Variants in STARD13 observed in about 807,000 individuals in gnomAD.
The protein encoded by STARD13 is StAR related lipid transfer domain containing 13.
STARD13 carries 62 observed loss-of-function variants against 106.4 expected under a neutral mutation model. That is an observed-to-expected ratio of 0.58 (90% CI 0.48 to 0.72). The LOEUF (loss-of-function observed/expected upper bound fraction) is 0.72, where lower values mean the gene tolerates loss of function less well. Ranked by LOEUF, STARD13 falls within the 30% of genes least tolerant of loss-of-function variation. The pLI is 0.00. For missense variants in STARD13, 1,387 were observed against 1,424.0 expected (o/e 0.97, Z 0.42); for synonymous variants, 565 against 553.0 (o/e 1.02, Z -0.31).
chr13:33,526,863 A>G, the STARD13 span, among the ~76,000 whole-genome samples: 1 of 152,094 alleles, frequency 6.6e-6, no homozygotes, highest in African/African-American at 2.4e-5. Context: ...AAAGATAGAG[A>G]ACAGGAAGAC....
intron 1 of STARD13, among the ~76,000 whole-genome samples, chr13:33,187,836 C>A (rs1339221117): frequency 6.6e-6 from 1 of 152,104 alleles, no homozygotes; most frequent in African/African-American, 2.4e-5. Flanking sequence ...ACCTGTGCCA[C>A]CACACCCAGC....
chr13:33,470,355 G>C, the STARD13 span, among the ~76,000 whole-genome samples: 3 of 152,106 alleles, frequency 2.0e-5, no homozygotes, highest in Admixed American at 2.0e-4. Flanking sequence ...CCAAGTCTTT[G>C]CTATTGTGAA....
intron 12 of STARD13, among the ~76,000 whole-genome samples, chr13:33,107,951 C>T (rs1873994131): frequency 6.6e-6 from 1 of 152,196 alleles, no homozygotes. Context: ...TCCTCCTACA[C>T]CAGGAAGAGA....
chr13:33,262,648 C>T (rs2555609), intron 1 of STARD13, among the ~76,000 whole-genome samples: 1 of 141,118 alleles, frequency 7.1e-6, no homozygotes, highest in Non-Finnish European at 1.5e-5. Context: ...ACCCCCCCCC[C>T]CACACACACA....
At chr13:33,163,206 T>C (rs1882840047) in intron 3 of STARD13, among the ~76,000 whole-genome samples, 3 of 152,092 alleles carry the variant, frequency 2.0e-5, no homozygotes, top group Admixed American at 6.6e-5. Flanking sequence ...TATCTCTCAC[T>C]GGGTCCCTCC....
chr13:33,581,314 A>G, the STARD13 span, among the ~76,000 whole-genome samples: 1 of 152,200 alleles, frequency 6.6e-6, no homozygotes, highest in African/African-American at 2.4e-5. Flanking sequence ...AGATCTATAA[A>G]ATTCTAAATA....
At chr13:33,230,237 T>G (rs1050029085) in intron 1 of STARD13, among the ~76,000 whole-genome samples, 4 of 152,198 alleles carry the variant, frequency 2.6e-5, no homozygotes, top group African/African-American at 9.7e-5. Flanking sequence ...CAACATAAGA[T>G]CATCATCTGC....
At chr13:33,449,808 G>A in the STARD13 span, among the ~76,000 whole-genome samples, 26 of 151,892 alleles carry the variant, frequency 1.7e-4, no homozygotes, top group Non-Finnish European at 2.1e-4. Context: ...CTTTTGCTTC[G>A]TTAGTTAAAT....
chr13:33,210,021 C>T (rs1350785749), intron 1 of STARD13, among the ~76,000 whole-genome samples: 1 of 152,156 alleles, frequency 6.6e-6, no homozygotes, highest in Admixed American at 6.5e-5. Context: ...CAGCTTCATG[C>T]ACAGAGTGGG....
At chr13:33,127,132 TC>T (rs1488379135) in intron 6 of STARD13, among the ~76,000 whole-genome samples, 2 of 152,244 alleles carry the variant, frequency 1.3e-5, no homozygotes, top group Non-Finnish European at 2.9e-5. Flanking sequence ...TGTCTCTTTT[TC>T]CTTTCTTGGA....
At chr13:33,221,732 C>T (rs1057059801) in intron 1 of STARD13, among the ~76,000 whole-genome samples, 8 of 152,238 alleles carry the variant, frequency 5.3e-5, no homozygotes, top group Non-Finnish European at 1.0e-4. Flanking sequence ...GATATTTGTA[C>T]ATTCACATTC....
At chr13:33,511,784 T>C in the STARD13 span, among the ~76,000 whole-genome samples, 1 of 152,292 alleles carries the variant, frequency 6.6e-6, no homozygotes, top group African/African-American at 2.4e-5. Context: ...GTTATCTTAA[T>C]TGAAGGAAAT....
chr13:33,591,055 C>T, the STARD13 span, among the ~76,000 whole-genome samples: 6 of 152,232 alleles, frequency 3.9e-5, no homozygotes, highest in Non-Finnish European at 5.9e-5. Context: ...ATTTCGCATT[C>T]ATTTCATTTT....
intron 3 of STARD13, among the ~76,000 whole-genome samples, chr13:33,162,437 G>A (rs963343319): frequency 2.0e-5 from 3 of 152,202 alleles, no homozygotes; most frequent in African/African-American, 7.2e-5. Flanking sequence ...CAGCCAGCTT[G>A]AATTTCTCCT....
intron 1 of STARD13, among the ~76,000 whole-genome samples, chr13:33,274,306 A>C (rs1195814009): frequency 6.6e-6 from 1 of 152,126 alleles, no homozygotes; most frequent in Non-Finnish European, 1.5e-5. Flanking sequence ...TGGTGTCTTT[A>C]CAAGAGGAGA....
At chr13:33,233,570 T>G (rs990062477) in intron 1 of STARD13, among the ~76,000 whole-genome samples, 1 of 152,234 alleles carries the variant, frequency 6.6e-6, no homozygotes, top group African/African-American at 2.4e-5. Flanking sequence ...GTTGTTCACA[T>G]GATCTCCTTT....
At chr13:33,164,270 T>A (rs756371047) in intron 3 of STARD13, 1 of 152,206 alleles carries the variant, frequency 6.6e-6, no homozygotes, top group Non-Finnish European at 1.5e-5. Context: ...AAAAATATAT[T>A]ATGTATATAC....
chr13:33,399,460 C>T, the STARD13 span, among the ~76,000 whole-genome samples: 6 of 151,802 alleles, frequency 4.0e-5, no homozygotes, highest in South Asian at 2.1e-4. Flanking sequence ...TTTGGGAGGC[C>T]GAGGCGGGTG....
intron 1 of STARD13, among the ~76,000 whole-genome samples, chr13:33,318,264 A>G (rs1459334586): frequency 6.6e-6 from 1 of 152,248 alleles, no homozygotes; most frequent in Non-Finnish European, 1.5e-5. Context: ...TCTGACTCAC[A>G]GAGAATACGT....
Sources: gnomAD v4.1 joint callset for allele counts (sites outside exome capture counted in the v4.1 genomes callset) on GRCh38, gnomAD v4.1.1 for gene constraint, MANE v1.5 for transcripts, NCBI Gene and HGNC (gene_info 2026-07-23, HGNC 2026-07-21) for gene names.